Variants in NSUN6 observed in about 807,000 individuals in gnomAD.
NSUN6 encodes NOP2/Sun RNA methyltransferase 6, also known as tRNA (cytosine(72)-C(5))-methyltransferase NSUN6.
In NSUN6, 64 loss-of-function variants were observed where a neutral mutation model predicts 58.0. That is an observed-to-expected ratio of 1.10 (90% CI 0.90 to 1.36). The LOEUF is 1.36. Among genes scored for constraint, NSUN6 ranks in the 40% most tolerant of loss-of-function variants. The probability of loss-of-function intolerance (pLI) is 0.00; values close to 1 mark genes in which losing one functional copy is unlikely to be tolerated. For synonymous variants in NSUN6, 231 were observed against 193.9 expected (o/e 1.19, Z -1.59); for missense variants, 701 against 550.1 (o/e 1.27, Z -2.74).
rs567053177 is a variant in NSUN6, at chr10:18,614,124, A to G, written c.575+336T>C. ...CTTTTTCTGACAAATAAGAACGTTAAAAATGATCTGGATAGATCATCTAAT... is the reference window on the plus strand; with the variant it reads ...CTTTTTCTGACAAATAAGAACGTTAGAAATGATCTGGATAGATCATCTAAT... On this transcript the variant is annotated intron_variant, in intron 5 of 10. Transcript: ENST00000377304. Among the ~76,000 whole-genome samples the G allele has an allele frequency of 1.9e-3, 284 of 152,288 alleles. 1 individual carries two copies. Among genetic ancestry groups the G allele is most frequent in the African/African-American group, 6.4e-3 (265 of 41,574 alleles).
chr10:18,616,288 T>C lies in NSUN6; in HGVS notation c.317A>G (p.Asn106Ser), dbSNP rs747381443. The change falls in exon 4 of 11, where the codon AAT (asparagine) becomes AGT (serine). Residue 106 changes from asparagine (N) to serine (S), a missense_variant. Asn to Ser is a conservative substitution (Grantham distance 46). Coordinates refer to ENST00000377304, the MANE Select transcript of NSUN6 (RefSeq NM_182543.5). ...LLIPVIGPRK[N>S]IKKQQCEAIV... ...GGCTTCACACTGTTGTTTTTTAATA[T>C]TCTTTCTAGAAATGTAAGACACAAG... 3 of 1,595,164 alleles carry C rather than the reference T, an allele frequency of 1.9e-6. No homozygotes were observed. The highest frequency in any genetic ancestry group is 2.6e-6 in the Non-Finnish European group (3 of 1,163,048).
intron 8 of NSUN6, among the ~76,000 whole-genome samples, chr10:18,578,269 T>C (rs2056756387): frequency 6.9e-6 from 1 of 144,786 alleles, no homozygotes. Context: ...GTTTCACTTG[T>C]GTCACCCAAG....
At chr10:18,605,026 T>C (rs11015105) in intron 6 of NSUN6, among the ~76,000 whole-genome samples, 38,100 of 150,720 alleles carry the variant, frequency 0.25, 5,523 homozygotes, top group East Asian at 0.74. Context: ...GCTGGGACTA[T>C]AGGCGTCCGC....
chr10:18,619,298 G>T (rs574992896), intron 3 of NSUN6, among the ~76,000 whole-genome samples: 2 of 152,200 alleles, frequency 1.3e-5, no homozygotes, highest in African/African-American at 4.8e-5. Context: ...TTGCATTCCA[G>T]ACCTTTATGA....
chr10:18,647,725 GTTTTTTTTTTTTTTT>G (rs571301351), intron 2 of NSUN6, among the ~76,000 whole-genome samples: 2 of 100,096 alleles, frequency 2.0e-5, no homozygotes, highest in African/African-American at 8.1e-5. Flanking sequence ...TCAACACCTT[GTTTTTTTTTTTTTTT>G]TTTTTTTTTT....
upstream of NSUN6, chr10:18,658,166 T>A (rs1010215901): frequency 2.0e-5 from 3 of 152,186 alleles, no homozygotes; most frequent in African/African-American, 7.2e-5. Context: ...GAAAGTTAAG[T>A]TTGCATAGGG....
At chr10:18,637,673 G>A (rs1008676211) in intron 3 of NSUN6, among the ~76,000 whole-genome samples, 18 of 152,134 alleles carry the variant, frequency 1.2e-4, no homozygotes, top group African/African-American at 4.3e-4. Flanking sequence ...CACAAATATT[G>A]ACTCCAACAC....
intron 3 of NSUN6, among the ~76,000 whole-genome samples, chr10:18,632,733 A>C (rs1274849026): frequency 6.6e-6 from 1 of 152,178 alleles, no homozygotes; most frequent in East Asian, 1.9e-4. Context: ...TTAGAATGGC[A>C]ATCATTAAAA....
At chr10:18,646,764 G>C (rs969414326) in intron 2 of NSUN6, among the ~76,000 whole-genome samples, 2 of 152,204 alleles carry the variant, frequency 1.3e-5, no homozygotes, top group African/African-American at 4.8e-5. Context: ...ACAGGAAGCA[G>C]AGGTTGCAGT....
chr10:18,621,060 T>C (rs940330968), intron 3 of NSUN6, among the ~76,000 whole-genome samples: 1 of 152,128 alleles, frequency 6.6e-6, no homozygotes, highest in African/African-American at 2.4e-5. Context: ...TTTCAGGAGG[T>C]TTACTTATTA....
At chr10:18,559,866 T>G (rs994080406) in intron 8 of NSUN6, among the ~76,000 whole-genome samples, 4 of 143,598 alleles carry the variant, frequency 2.8e-5, no homozygotes, top group Non-Finnish European at 6.1e-5. Flanking sequence ...AGTGGGGATT[T>G]GAATGCGGAA....
chr10:18,638,711 G>A (rs1196845037), intron 3 of NSUN6, among the ~76,000 whole-genome samples: 2 of 152,174 alleles, frequency 1.3e-5, no homozygotes, highest in East Asian at 3.9e-4. Flanking sequence ...CCAACTTGTT[G>A]TATAAACATA....
Position 18,561,306 on chromosome 10 carries a change from G to A in NSUN6, c.923-9335C>T, listed in dbSNP as rs1461604836. 1.1e-4 allele frequency among the ~76,000 whole-genome samples: 9 copies of A among 78,888 alleles called. 4 individuals are homozygous for A. The highest frequency in any genetic ancestry group is 2.6e-4 in the African/African-American group (6 of 23,086). 51.8% of individuals were successfully genotyped at this position (78,888 alleles called of 152,430 possible). On this transcript the variant is annotated intron_variant, in intron 8 of 10. Transcript: ENST00000377304. ...GGTATGGAAAATGGAATGGAATGGA[G>A]AATGGAATGGAATGGAGAATGGAAT...
At chr10:18,585,475 A>C (rs2131107911) in intron 8 of NSUN6, among the ~76,000 whole-genome samples, 1 of 152,374 alleles carries the variant, frequency 6.6e-6, no homozygotes, top group East Asian at 1.9e-4. Flanking sequence ...AGCCTTTAAA[A>C]CAAAAAGAAA....
intron 7 of NSUN6, 26 bp from the exon 8 acceptor site, chr10:18,586,119 G>GA: frequency 6.9e-7 from 1 of 1,443,180 alleles, no homozygotes; most frequent in Non-Finnish European, 9.3e-7. Flanking sequence ...ACACACACAT[G>GA]CAGAAAAAAA....
chr10:18,586,889 T>C (rs1438030157), intron 7 of NSUN6, among the ~76,000 whole-genome samples: 1 of 152,174 alleles, frequency 6.6e-6, no homozygotes, highest in Non-Finnish European at 1.5e-5. Flanking sequence ...ACAGTGCTGA[T>C]TGGTGCATTT....
chr10:18,637,177 G>T (rs559080072), intron 3 of NSUN6, among the ~76,000 whole-genome samples: 21 of 151,896 alleles, frequency 1.4e-4, no homozygotes, highest in Non-Finnish European at 3.1e-4. Context: ...TGCTCAGGCT[G>T]GTCTAAAACT....
intron 2 of NSUN6, among the ~76,000 whole-genome samples, chr10:18,643,970 C>T (rs2059464363): frequency 6.6e-6 from 1 of 152,162 alleles, no homozygotes; most frequent in South Asian, 2.1e-4. Flanking sequence ...AAGTATATCA[C>T]CAGCTTCTTT....
intron 10 of NSUN6, 99 bp downstream of exon 10, chr10:18,548,012 TG>T: frequency 8.8e-7 from 1 of 1,139,836 alleles, no homozygotes; most frequent in South Asian, 1.5e-5. Flanking sequence ...GTGTTCACTT[TG>T]GAAGTTTTAC....
Sources: gnomAD v4.1 joint callset for allele counts (sites outside exome capture counted in the v4.1 genomes callset) on GRCh38, gnomAD v4.1.1 for gene constraint, MANE v1.5 for transcripts, NCBI Gene and HGNC (gene_info 2026-07-23, HGNC 2026-07-21) for gene names.